Variants in MAP2K5 observed in about 807,000 individuals in gnomAD.
MAP2K5 encodes dual specificity mitogen-activated protein kinase kinase 5.
In MAP2K5, 49 loss-of-function variants were observed where a neutral mutation model predicts 83.1. The ratio of observed to expected loss-of-function variants is 0.59; its 90% CI spans 0.47 to 0.75. The LOEUF is 0.75. MAP2K5 is among the 30% of genes least tolerant of loss of function. The pLI, the probability that MAP2K5 is intolerant of heterozygous loss-of-function variation, is 0.00. For synonymous variants in MAP2K5, 202 were observed against 191.8 expected (o/e 1.05, Z -0.44); for missense variants, 457 against 557.5 (o/e 0.82, Z 1.82).
In MAP2K5 at chr15:67,782,962, G is replaced by C. The variant is rs1442404418; in HGVS notation, c.1242+10210G>C. On this transcript the variant is annotated intron_variant, in intron 21 of 21. Transcript: ENST00000178640. This position sits in a 1 kb window ranked among gnomAD's most constrained non-coding sequence, Gnocchi z 4.9. Reference sequence around the variant, plus strand: ...GCAGTGCTGCATCATCTGGAAAGTGGGTTAAGCACCGAAGGAAGGTGTAAG... The same window carrying C: ...GCAGTGCTGCATCATCTGGAAAGTGCGTTAAGCACCGAAGGAAGGTGTAAG... 3.3e-5 allele frequency among the ~76,000 whole-genome samples: 5 copies of C among 152,256 alleles called. No individual in the cohort carries two copies. Among genetic ancestry groups the C allele is most frequent in the African/African-American group, 1.2e-4 (5 of 41,470 alleles).
In MAP2K5 at chr15:67,577,483, A is replaced by G. The variant is rs547164775; in HGVS notation, c.253-3271A>G. ...TATTTGGATAACTTGAAGTAATATTATGAAGGTTACTTTGTTACATTTCTG... is the reference window on the plus strand; with the variant it reads ...TATTTGGATAACTTGAAGTAATATTGTGAAGGTTACTTTGTTACATTTCTG... On this transcript the variant is annotated intron_variant, in intron 3 of 21. Transcript: ENST00000178640. This position sits in a 1 kb window ranked among gnomAD's most constrained non-coding sequence, Gnocchi z 4.1. 1.3e-5 allele frequency among the ~76,000 whole-genome samples: 2 copies of G among 152,344 alleles called. No individual in the cohort carries two copies. Among genetic ancestry groups the G allele is most frequent in the African/African-American group, 2.4e-5 (1 of 41,588 alleles).
rs2084981520 is a variant in MAP2K5 at position 67,573,100 on chromosome 15, C to G, written c.253-7654C>G. The stretch of plus-strand genomic sequence containing the variant: ...GGTATGTTTAGTAAACGTTATCAAT[C>G]TGTTCCCTTAATCATAAATAGCTAG... On this transcript the variant is annotated intron_variant, in intron 3 of 21. Transcript: ENST00000178640. The surrounding 1 kb of genome is among the most constrained non-coding windows in gnomAD (Gnocchi z 4.2). Among the ~76,000 whole-genome samples the G allele has an allele frequency of 1.3e-5, 2 of 152,166 alleles. No individual in the cohort carries two copies. Among genetic ancestry groups the G allele is most frequent in the African/African-American group, 4.8e-5 (2 of 41,440 alleles).
intron 15 of MAP2K5, among the ~76,000 whole-genome samples, chr15:67,703,027 A>G (rs901215820): frequency 1.6e-4 from 25 of 152,158 alleles, no homozygotes; most frequent in African/African-American, 5.1e-4. Context: ...CTCATTCACT[A>G]CTTAGGACCT....
Position 67,587,773 on chromosome 15 carries a change from C to A in MAP2K5, c.431+860C>A, listed in dbSNP as rs530723589. On this transcript the variant is annotated intron_variant, in intron 6 of 21. Transcript: ENST00000178640. This position sits in a 1 kb window ranked among gnomAD's most constrained non-coding sequence, Gnocchi z 4.8. ...TCTAGATTTTCTGTCTCAGTAAATT[C>A]TCCCACATCCAGTCCATTGCTAACT... Among the ~76,000 whole-genome samples, 17 of 152,332 alleles carry A rather than the reference C, an allele frequency of 1.1e-4. No individual in the cohort carries two copies. Among genetic ancestry groups the A allele is most frequent in the Middle Eastern group, 3.4e-3 (1 of 294 alleles).
Position 67,636,407 on chromosome 15 carries a change from C to CAA in MAP2K5, c.585+5494_585+5495dup, listed in dbSNP as rs566333001. On this transcript the variant is annotated intron_variant, in intron 9 of 21. Transcript: ENST00000178640. The surrounding 1 kb of genome is among the most constrained non-coding windows in gnomAD (Gnocchi z 4.7). ...TGGGCAACAGAATAAGACTCCGTCTCAAAAAAAAAAAAAAAGTATGAAATA... is the reference window on the plus strand; with the variant it reads ...TGGGCAACAGAATAAGACTCCGTCTCAAAAAAAAAAAAAAAAAGTATGAAATA... 9.1e-6 allele frequency among the ~76,000 whole-genome samples: 1 copy of CAA among 109,396 alleles called. No individual in the cohort carries two copies. Among genetic ancestry groups the CAA allele is most frequent in the Non-Finnish European group, 1.9e-5 (1 of 51,796 alleles). The allele number at this position is 109,396 out of a possible 152,430, so 71.8% of individuals were successfully genotyped here. A position where few individuals can be genotyped will look rare whatever the true frequency, so the allele number is the denominator to read the frequency against.
At chr15:67,606,767 C>T (rs1466391089) in intron 8 of MAP2K5, among the ~76,000 whole-genome samples, 1 of 152,122 alleles carries the variant, frequency 6.6e-6, no homozygotes, top group Non-Finnish European at 1.5e-5. Flanking sequence ...ATTAGAAGGA[C>T]TGATGGTCAT....
At chr15:67,804,927 C>A (rs768644436) in intron 21 of MAP2K5, among the ~76,000 whole-genome samples, 4 of 152,200 alleles carry the variant, frequency 2.6e-5, no homozygotes, top group Non-Finnish European at 2.9e-5. Flanking sequence ...AAAATCCAGT[C>A]CTTCCTGGGC....
chr15:67,577,580 CTTTG>C lies in MAP2K5; in HGVS notation c.253-3170_253-3167del, dbSNP rs1341310558. On this transcript the variant is annotated intron_variant, in intron 3 of 21. Transcript: ENST00000178640. This position sits in a 1 kb window ranked among gnomAD's most constrained non-coding sequence, Gnocchi z 4.1. ...TTTTTTTGGTCGTTGCTGTTTGTTT[CTTTG>C]TTTTTTTCTTTTCTTTTGGTTTTGG... is the stretch of plus-strand genomic sequence containing the variant. Among the ~76,000 whole-genome samples the C allele has an allele frequency of 6.6e-6, 1 of 151,942 alleles. No individual in the cohort carries two copies. The highest frequency in any genetic ancestry group is 2.4e-5 in the African/African-American group (1 of 41,372).
At position 67,764,713 on chromosome 15, in the gene MAP2K5, T is replaced by G. The variant is rs1253922073; in HGVS notation, c.1135-4889T>G. Among the ~76,000 whole-genome samples the G allele has an allele frequency of 6.6e-6, 1 of 152,248 alleles. No homozygotes were observed. Among genetic ancestry groups the G allele is most frequent in the Non-Finnish European group, 1.5e-5 (1 of 68,042 alleles). Reference sequence around the variant, plus strand: ...ATCATTTTTACACAGTATTTTATGTTATGCCTTATCAGTGTCTGAATTAAC... The same window carrying G: ...ATCATTTTTACACAGTATTTTATGTGATGCCTTATCAGTGTCTGAATTAAC... On this transcript the variant is annotated intron_variant, in intron 19 of 21. Transcript: ENST00000178640. This position sits in a 1 kb window ranked among gnomAD's most constrained non-coding sequence, Gnocchi z 4.9.
At chr15:67,576,928 A>G (rs1275390567) in intron 3 of MAP2K5, among the ~76,000 whole-genome samples, 3 of 136,604 alleles carry the variant, frequency 2.2e-5, no homozygotes, top group African/African-American at 7.9e-5. Context: ...CTATATATAT[A>G]TTTTTTTTTT....
chr15:67,722,618 C>T lies in MAP2K5; in HGVS notation c.1045-5298C>T, dbSNP rs902122142. Among the ~76,000 whole-genome samples the T allele has an allele frequency of 1.3e-5, 2 of 152,118 alleles. No individual in the cohort carries two copies. Among genetic ancestry groups the T allele is most frequent in the Admixed American group, 1.3e-4 (2 of 15,270 alleles). On this transcript the variant is annotated intron_variant, in intron 16 of 21. Transcript: ENST00000178640. This position sits in a 1 kb window ranked among gnomAD's most constrained non-coding sequence, Gnocchi z 4.2. Reference sequence around the variant, plus strand: ...TTATGGTTCTTCACCAGCATAGTTTCAGATGATTTAAACTCTTTCTCTAGG... The same window carrying T: ...TTATGGTTCTTCACCAGCATAGTTTTAGATGATTTAAACTCTTTCTCTAGG...
At position 67,806,818 on chromosome 15, in the gene MAP2K5, C is replaced by T. The variant is rs1008421134; in HGVS notation, c.*68C>T. On this transcript the variant is annotated 3_prime_UTR_variant, in exon 22 of 22. Transcript: ENST00000178640. The stretch of plus-strand genomic sequence containing the variant: ...AGAACAACCCACCCGTCGCCCTTCT[C>T]CGTATGCTGCCTGCGCCAGAAGAGC... 2 of 1,597,928 alleles carry T rather than the reference C, an allele frequency of 1.3e-6. No individual in the cohort carries two copies. The highest frequency in any genetic ancestry group is 1.7e-6 in the Non-Finnish European group (2 of 1,179,380).
intron 17 of MAP2K5, among the ~76,000 whole-genome samples, chr15:67,729,736 C>T (rs1302320300): frequency 1.3e-5 from 2 of 152,112 alleles, no homozygotes; most frequent in Non-Finnish European, 2.9e-5. Flanking sequence ...TGCACTCCAG[C>T]CTGGGCAACA....
At chr15:67,656,626 G>A (rs534721276) in intron 11 of MAP2K5, among the ~76,000 whole-genome samples, 14 of 152,198 alleles carry the variant, frequency 9.2e-5, no homozygotes, top group African/African-American at 3.4e-4. Context: ...ATCGTGCCTG[G>A]CCACCTTTTA....
At position 67,769,830 on chromosome 15, in the gene MAP2K5, T is replaced by C. The variant is rs2090108866; in HGVS notation, c.1196+167T>C. Reference sequence around the variant, plus strand: ...AAAGCTGAAGAAATTGTTTAAATTATGTAAACGTTATTTACACAAAGGGTC... The same window carrying C: ...AAAGCTGAAGAAATTGTTTAAATTACGTAAACGTTATTTACACAAAGGGTC... On this transcript the variant is annotated intron_variant, in intron 20 of 21. Transcript: ENST00000178640. The surrounding 1 kb of genome is among the most constrained non-coding windows in gnomAD (Gnocchi z 5.2). 4.9e-6 allele frequency: 3 copies of C among 607,226 alleles called. No homozygotes were observed. In the East Asian group the frequency reaches 8.5e-5, roughly 17 times the overall value. 37.6% of individuals were successfully genotyped at this position (607,226 alleles called of 1,614,324 possible).
At chr15:67,628,951 A>G (rs2086394324) in intron 8 of MAP2K5, 3 of 762,812 alleles carry the variant, frequency 3.9e-6, no homozygotes, top group Non-Finnish European at 7.1e-6. Flanking sequence ...GGTGGAAGCT[A>G]CAATGATTTT....
chr15:67,674,669 A>G (rs1189913270), intron 13 of MAP2K5, among the ~76,000 whole-genome samples: 1 of 152,164 alleles, frequency 6.6e-6, no homozygotes, highest in Non-Finnish European at 1.5e-5. Context: ...GTGATTTTCA[A>G]GAGATCAGAA....
chr15:67,679,755 T>C (rs2087769273), intron 13 of MAP2K5: 1 of 152,212 alleles, frequency 6.6e-6, no homozygotes, highest in Non-Finnish European at 1.5e-5. Flanking sequence ...ATTATCAATT[T>C]ATTTATTAGT....
At chr15:67,666,342 T>A (rs1703543796) in intron 13 of MAP2K5, among the ~76,000 whole-genome samples, 2 of 152,242 alleles carry the variant, frequency 1.3e-5, no homozygotes, top group Non-Finnish European at 2.9e-5. Context: ...TGCTGATAAG[T>A]TGATGTACCT....
Sources: gnomAD v4.1 joint callset for allele counts (sites outside exome capture counted in the v4.1 genomes callset) on GRCh38, gnomAD v4.1.1 for gene constraint, Gnocchi (gnomAD v3.1) non-coding constraint, MANE v1.5 for transcripts, NCBI Gene and HGNC (gene_info 2026-07-23, HGNC 2026-07-21) for gene names.